Variants in SYCP2 observed in about 807,000 individuals in gnomAD.
SYCP2 encodes the protein synaptonemal complex lateral element protein.
SYCP2 carries 55 observed loss-of-function variants against 211.3 expected under a neutral mutation model. That is an observed-to-expected ratio of 0.26 (90% confidence interval 0.21 to 0.33). The LOEUF (loss-of-function observed/expected upper bound fraction) is 0.33, where lower values mean the gene tolerates loss of function less well. Among genes scored for constraint, SYCP2 ranks in the 10% least tolerant of loss-of-function variants. The pLI is 1.00. For missense variants in SYCP2, 1,731 were observed against 1,752.0 expected (o/e 0.99, Z 0.21); for synonymous variants, 570 against 555.2 (o/e 1.03, Z -0.37).
In SYCP2 at chr20:59,886,847, G is replaced by A. The variant is rs751993257; in HGVS notation, c.2365-13C>T. 3.2e-6 allele frequency: 5 copies of A among 1,557,046 alleles called. No individual in the cohort carries two copies. The highest frequency in any genetic ancestry group is 2.8e-5 in the African/African-American group (2 of 71,732). On this transcript the variant is annotated splice_polypyrimidine_tract_variant and intron_variant, in intron 24 of 44. Coordinates refer to ENST00000357552, the MANE Select transcript of SYCP2 (RefSeq NM_014258.4). ...TTGACTTTTCTCTCTGAAAAAAATT[G>A]TAAGTTACTTTTAAACTCTACCAGT... is the stretch of plus-strand genomic sequence containing the variant.
intron 22 of SYCP2, among the ~76,000 whole-genome samples, chr20:59,892,914 T>C (rs1251020326): frequency 6.6e-6 from 1 of 151,974 alleles, no homozygotes; most frequent in Non-Finnish European, 1.5e-5. Context: ...TCATTGTTTA[T>C]ACATTTTAAA....
intron 20 of SYCP2, among the ~76,000 whole-genome samples, chr20:59,894,015 C>T (rs6071011): frequency 0.019 from 2,957 of 151,994 alleles, 40 homozygotes; most frequent in Middle Eastern, 0.041. Context: ...TCGAAGAGGA[C>T]GATTTTTGTT....
At chr20:59,877,886 G>C in intron 32 of SYCP2, 122 bp downstream of exon 32, 1 of 745,242 alleles carries the variant, frequency 1.3e-6, no homozygotes, top group South Asian at 1.9e-5. Context: ...TGCAAAAGAA[G>C]GAAGAGGTAC....
In SYCP2 at chr20:59,876,369, C is replaced by CA. The variant is rs765782164; in HGVS notation, c.3151-901dup. ...CTGGTGACAAAGCGAGGCTGTGTCTCAAAAAAAAAAAAAAAAAAAAAAAAA... is the reference window on the plus strand; with the variant it reads ...CTGGTGACAAAGCGAGGCTGTGTCTCAAAAAAAAAAAAAAAAAAAAAAAAAA... On this transcript the variant is annotated intron_variant, in intron 33 of 44. Transcript: ENST00000357552. 5.0e-3 allele frequency among the ~76,000 whole-genome samples: 115 copies of CA among 23,088 alleles called. 41 individuals carry two copies. The highest frequency in any genetic ancestry group is 6.9e-3 in the Non-Finnish European group (78 of 11,224). The allele number at this position is 23,088 out of a possible 152,430, so 15.1% of individuals were successfully genotyped here. A position where few individuals can be genotyped will look rare whatever the true frequency, so the allele number is the denominator to read the frequency against.
At chr20:59,879,388 C>T (rs936408643) in intron 31 of SYCP2, among the ~76,000 whole-genome samples, 1 of 150,728 alleles carries the variant, frequency 6.6e-6, no homozygotes, top group Non-Finnish European at 1.5e-5. Context: ...TTTCTAAACA[C>T]ATGCCAAAAT....
intron 19 of SYCP2, 32 bp from the exon 20 acceptor site, chr20:59,895,629 C>CT (rs750970546): frequency 8.7e-6 from 14 of 1,604,632 alleles, no homozygotes; most frequent in South Asian, 4.5e-5. Flanking sequence ...GCAGATTTTT[C>CT]TTTTTTTACC....
At chr20:59,885,818 T>C in intron 26 of SYCP2, 110 bp downstream of exon 26, 1 of 833,526 alleles carries the variant, frequency 1.2e-6, no homozygotes, top group Non-Finnish European at 1.9e-6. Context: ...TTTAGCAATA[T>C]TCTGAAAACA....
chr20:59,906,040 T>C (rs751437086), intron 15 of SYCP2, among the ~76,000 whole-genome samples: 8 of 152,100 alleles, frequency 5.3e-5, no homozygotes, highest in Non-Finnish European at 8.8e-5. Context: ...AAAAGACTTA[T>C]ACAATGAAAA....
chr20:59,868,320 CT>C (rs2059389014), intron 38 of SYCP2, 92 bp downstream of exon 38: 2 of 1,317,878 alleles, frequency 1.5e-6, no homozygotes, highest in Non-Finnish European at 2.1e-6. Flanking sequence ...CCAAAGTTGT[CT>C]TTACAAATTT....
chr20:59,865,238 C>A lies in SYCP2; in HGVS notation c.4515+150G>T, dbSNP rs572851869. ...CTATTCTTTCACTATAAATATGCTC[C>A]CATTATTTAAAGAACTAAAAGTAAT... On this transcript the variant is annotated intron_variant, in intron 44 of 44. Transcript: ENST00000357552. 4.0e-4 allele frequency: 242 copies of A among 604,436 alleles called. 5 individuals are homozygous for A. The South Asian group carries it at 5.2e-3, about 13-fold the overall frequency. 37.4% of individuals were successfully genotyped at this position (604,436 alleles called of 1,614,324 possible).
At chr20:59,913,515 A>T (rs995997631) in intron 12 of SYCP2, among the ~76,000 whole-genome samples, 1 of 152,166 alleles carries the variant, frequency 6.6e-6, no homozygotes. Context: ...CATGCCCCTC[A>T]GAAAGATCCT....
At chr20:59,920,756 T>C (rs2060526404) in intron 4 of SYCP2, among the ~76,000 whole-genome samples, 1 of 151,614 alleles carries the variant, frequency 6.6e-6, no homozygotes, top group Non-Finnish European at 1.5e-5. Context: ...AATCAGCAAC[T>C]TTCCATTCTA....
intron 24 of SYCP2, among the ~76,000 whole-genome samples, 172 bp from the exon 25 acceptor site, chr20:59,887,006 ATTT>A (rs548265002): frequency 1.3e-5 from 2 of 151,144 alleles, no homozygotes; most frequent in African/African-American, 4.9e-5. Context: ...AAATAAGATA[ATTT>A]TTTTTATTAT....
intron 41 of SYCP2, 58 bp from the exon 42 acceptor site, chr20:59,865,923 CCA>C (rs1159026812): frequency 3.4e-5 from 25 of 740,358 alleles, no homozygotes; most frequent in Non-Finnish European, 4.8e-5. Flanking sequence ...AAAATAAAAT[CCA>C]GTTAAACTTT....
intron 20 of SYCP2, among the ~76,000 whole-genome samples, chr20:59,894,692 A>AC (rs2059974965): frequency 6.6e-6 from 1 of 151,978 alleles, no homozygotes; most frequent in African/African-American, 2.4e-5. Flanking sequence ...ATGTCCCTGA[A>AC]CCCTGTACTT....
intron 3 of SYCP2, 126 bp from the exon 4 acceptor site, chr20:59,921,579 C>T (rs902981725): frequency 3.6e-6 from 2 of 563,208 alleles, no homozygotes; most frequent in African/African-American, 2.0e-5. Context: ...TATTAATTCA[C>T]GTATTTTTTA....
chr20:59,915,620 G>A, intron 8 of SYCP2, 70 bp from the exon 9 acceptor site: 1 of 1,001,522 alleles, frequency 1.0e-6, no homozygotes, highest in Non-Finnish European at 1.6e-6. Context: ...AATATTCTAG[G>A]CACATAAACT....
At chr20:59,930,780 G>A (rs567924741) in intron 2 of SYCP2, among the ~76,000 whole-genome samples, 46 of 151,930 alleles carry the variant, frequency 3.0e-4, no homozygotes. Context: ...AATTTTTTAA[G>A]GAAACAATTA....
intron 34 of SYCP2, 40 bp downstream of exon 34, chr20:59,875,231 A>AC: frequency 1.6e-6 from 2 of 1,277,710 alleles, no homozygotes; most frequent in East Asian, 2.4e-5. Context: ...ATAGAAAACT[A>AC]TTGAATATTC....
Sources: gnomAD v4.1 joint callset for allele counts (sites outside exome capture counted in the v4.1 genomes callset) on GRCh38, gnomAD v4.1.1 for gene constraint, MANE v1.5 for transcripts, NCBI Gene and HGNC (gene_info 2026-07-23, HGNC 2026-07-21) for gene names.